Variants in ERC1 observed in about 807,000 individuals in gnomAD.
ERC1 encodes the protein RAB6 interacting protein 2.
ERC1 carries 56 observed loss-of-function variants against 132.0 expected under a neutral mutation model. The observed-to-expected ratio is 0.42, with a 90% CI of 0.34 to 0.53. The LOEUF is 0.53. Ranked by LOEUF, ERC1 falls within the 20% of genes least tolerant of loss-of-function variation. ERC1 has a pLI of 0.03. For synonymous variants in ERC1, 478 were observed against 476.1 expected, an observed-to-expected ratio of 1.00 and a Z score of -0.05; for missense variants, 1,202 against 1,349.9, an observed-to-expected ratio of 0.89 and a Z score of 1.72.
At chr12:1,148,516 C>T (rs541825769) in intron 8 of ERC1, among the ~76,000 whole-genome samples, 1 of 152,310 alleles carries the variant, frequency 6.6e-6, no homozygotes, top group African/African-American at 2.4e-5. Context: ...CATCATGTTA[C>T]AAACTTTTAT....
chr12:1,400,953 T>TTTTTTTTTTTTTTTTTG (rs1477365626), intron 16 of ERC1, among the ~76,000 whole-genome samples: 3 of 90,272 alleles, frequency 3.3e-5, no homozygotes, highest in Non-Finnish European at 7.1e-5. Context: ...TTTTTTTTTT[T>TTTTTTTTTTTTTTTTTG]GTGACGGAGT....
chr12:1,289,370 C>A (rs1424578343), intron 14 of ERC1, among the ~76,000 whole-genome samples: 4 of 151,638 alleles, frequency 2.6e-5, no homozygotes, highest in Non-Finnish European at 5.9e-5. Flanking sequence ...AAAAGAAATT[C>A]TTCTTAATGA....
At chr12:1,113,329 T>C (rs1455901370) in intron 6 of ERC1, among the ~76,000 whole-genome samples, 2 of 152,190 alleles carry the variant, frequency 1.3e-5, no homozygotes, top group East Asian at 3.8e-4. Flanking sequence ...GTTAGACATA[T>C]TATCAACTCC....
chr12:1,227,891 A>C (rs913690080), intron 12 of ERC1, among the ~76,000 whole-genome samples: 2 of 152,182 alleles, frequency 1.3e-5, no homozygotes, highest in African/African-American at 4.8e-5. Context: ...TTTCCCCAAC[A>C]CCATTTATTG....
chr12:1,347,908 G>A (rs912485740), intron 15 of ERC1, among the ~76,000 whole-genome samples: 5 of 152,124 alleles, frequency 3.3e-5, no homozygotes, highest in African/African-American at 4.8e-5. Flanking sequence ...GCTTGAAGCC[G>A]GGAGGCAGAG....
chr12:1,052,971 G>GAA lies in ERC1; in HGVS notation c.669+24411_669+24412dup, dbSNP rs35591043. ...GGCAACAAGAGTGAAACTATGTCTC[G>GAA]AAAAAAAAAAAAATTGTCAGCTGCA... On this transcript the variant is annotated intron_variant, in intron 2 of 18. Coordinates refer to ENST00000360905, the MANE Select transcript of ERC1 (RefSeq NM_178040.4). Among the ~76,000 whole-genome samples, 1,046 of 142,558 alleles carry GAA rather than the reference G, an allele frequency of 7.3e-3. 12 individuals are homozygous for GAA. Among genetic ancestry groups the GAA allele is most frequent in the African/African-American group, 0.026 (1,000 of 39,214 alleles). The allele number at this position is 142,558 out of a possible 152,430, so 93.5% of individuals were successfully genotyped here. A position where few individuals can be genotyped will look rare whatever the true frequency, so the allele number is the denominator to read the frequency against.
At chr12:1,446,024 C>T (rs1464500625) in intron 18 of ERC1, among the ~76,000 whole-genome samples, 1 of 152,172 alleles carries the variant, frequency 6.6e-6, no homozygotes, top group Non-Finnish European at 1.5e-5. Context: ...ACCTAATCAC[C>T]TCCCAAAGGC....
chr12:1,306,401 C>T (rs916118295), intron 15 of ERC1, among the ~76,000 whole-genome samples: 3 of 152,192 alleles, frequency 2.0e-5, no homozygotes, highest in Non-Finnish European at 4.4e-5. Flanking sequence ...AAACCACGTT[C>T]AGTTGCTAAT....
chr12:999,041 G>C (rs768387257), intron 1 of ERC1, among the ~76,000 whole-genome samples: 1 of 151,816 alleles, frequency 6.6e-6, no homozygotes, highest in South Asian at 2.1e-4. Context: ...TGTATTTTTA[G>C]TAGAGATGGG....
intron 2 of ERC1, among the ~76,000 whole-genome samples, chr12:1,080,349 A>G: frequency 6.6e-6 from 1 of 152,176 alleles, no homozygotes; most frequent in Non-Finnish European, 1.5e-5. Flanking sequence ...ACTGCTCTAG[A>G]TACCTCATGT....
chr12:994,999 G>C (rs1960509912), intron 1 of ERC1, among the ~76,000 whole-genome samples: 1 of 152,070 alleles, frequency 6.6e-6, no homozygotes, highest in Admixed American at 6.6e-5. Flanking sequence ...GCAAGGCTAA[G>C]GCAGGAAAAT....
intron 18 of ERC1, 68 bp downstream of exon 18, chr12:1,444,818 G>A (rs1430213238): frequency 4.1e-6 from 6 of 1,450,336 alleles, no homozygotes; most frequent in Non-Finnish European, 5.7e-6. Context: ...TTGATGCAGT[G>A]GGGGCTACCT....
chr12:1,344,840 T>C (rs78084143), intron 15 of ERC1, among the ~76,000 whole-genome samples: 1,845 of 152,338 alleles, frequency 0.012, 37 homozygotes, highest in African/African-American at 0.042. Context: ...TTCAGGAAGC[T>C]GCTTGTCTAG....
Position 1,222,224 on chromosome 12 carries a change from CT to C in ERC1, c.2352-14532del, listed in dbSNP as rs398116013. Among the ~76,000 whole-genome samples the C allele has an allele frequency of 6.0e-4, 88 of 145,956 alleles. No individual in the cohort carries two copies. The East Asian group carries it at 6.0e-3, about 10-fold the overall frequency. Reference sequence around the variant, plus strand: ...GGACTATTATGAGTGTACATATTCTCTTTTTTTTTTTTTCTTTTTTGAGGAG... The same window carrying C: ...GGACTATTATGAGTGTACATATTCTCTTTTTTTTTTTTCTTTTTTGAGGAG... On this transcript the variant is annotated intron_variant, in intron 12 of 18. Transcript: ENST00000360905.
intron 15 of ERC1, among the ~76,000 whole-genome samples, chr12:1,325,667 C>G (rs1459240945): frequency 1.3e-5 from 2 of 152,020 alleles, no homozygotes; most frequent in Admixed American, 1.3e-4. Context: ...GATTGTAATT[C>G]TTAGAATTGA....
At chr12:1,180,480 T>C in intron 8 of ERC1, 60 bp from the exon 9 acceptor site, 2 of 1,486,052 alleles carry the variant, frequency 1.3e-6, no homozygotes, top group Non-Finnish European at 1.9e-6. Flanking sequence ...TGATTTTGAT[T>C]GTGCTATTGT....
chr12:1,248,186 T>A (rs1336162076), intron 13 of ERC1, among the ~76,000 whole-genome samples: 1 of 152,218 alleles, frequency 6.6e-6, no homozygotes, highest in Non-Finnish European at 1.5e-5. Context: ...TTAAACATAC[T>A]TGAGATGTCT....
At chr12:1,222,426 GC>G (rs776718131) in intron 12 of ERC1, among the ~76,000 whole-genome samples, 40 of 151,890 alleles carry the variant, frequency 2.6e-4, no homozygotes, top group Non-Finnish European at 4.0e-4. Flanking sequence ...GGGTTTTGAG[GC>G]TGGTCTCAAA....
chr12:1,471,469 A>G (rs549660019), intron 18 of ERC1, among the ~76,000 whole-genome samples: 2 of 152,386 alleles, frequency 1.3e-5, no homozygotes, highest in South Asian at 2.1e-4. Flanking sequence ...AATACAAAAT[A>G]TAATCATCAG....
Sources: allele counts gnomAD v4.1 joint callset (sites outside exome capture counted in the v4.1 genomes callset), GRCh38; gene constraint gnomAD v4.1.1; transcripts MANE v1.5; gene names NCBI Gene and HGNC (gene_info 2026-07-23, HGNC 2026-07-21).